PACRG: variants seen among roughly 807,000 people sequenced by gnomAD.
PACRG encodes parkin coregulated, also known as parkin coregulated gene protein.
Under a neutral mutation model 29.7 loss-of-function variants are expected in PACRG, and 29 were observed. The observed-to-expected ratio is 0.98, with a 90% CI of 0.73 to 1.33. The LOEUF (loss-of-function observed/expected upper bound fraction) is 1.33, where lower values mean the gene tolerates loss of function less well. Ranked by LOEUF, PACRG falls within the 40% of genes most tolerant of loss-of-function variation. The pLI, the probability that PACRG is intolerant of heterozygous loss-of-function variation, is 0.00. For synonymous variants in PACRG, 116 were observed against 118.7 expected, an observed-to-expected ratio of 0.98 and a Z score of 0.15; for missense variants, 279 against 316.2, an observed-to-expected ratio of 0.88 and a Z score of 0.89.
intron 4 of PACRG, among the ~76,000 whole-genome samples, chr6:163,124,127 G>A (rs1354729858): frequency 6.6e-6 from 1 of 152,202 alleles, no homozygotes; most frequent in Admixed American, 6.5e-5. Flanking sequence ...TTTGCATGTT[G>A]TAATTGTGTT....
intron 1 of PACRG, among the ~76,000 whole-genome samples, chr6:162,773,262 T>A (rs1009441367): frequency 2.0e-5 from 3 of 151,370 alleles, no homozygotes; most frequent in Admixed American, 6.6e-5. Context: ...GTTTTCCAGT[T>A]GGGCAGCAGA....
At chr6:162,966,455 G>T (rs9458690) in intron 2 of PACRG, among the ~76,000 whole-genome samples, 23,340 of 150,096 alleles carry the variant, frequency 0.16, 3,194 homozygotes, top group African/African-American at 0.36. Context: ...ATACAAAGAT[G>T]TTAATGGAGG....
intron 1 of PACRG, among the ~76,000 whole-genome samples, chr6:162,771,308 T>C (rs1369061234): frequency 2.0e-5 from 3 of 152,220 alleles, no homozygotes; most frequent in Non-Finnish European, 2.9e-5. Context: ...GATGATCTTT[T>C]CACATAATGG....
intron 4 of PACRG, among the ~76,000 whole-genome samples, chr6:163,197,124 T>A (rs913060781): frequency 6.6e-6 from 1 of 152,160 alleles, no homozygotes; most frequent in Non-Finnish European, 1.5e-5. Context: ...TCAAGATAAC[T>A]TTTTTCTGCC....
intron 4 of PACRG, among the ~76,000 whole-genome samples, chr6:163,193,044 G>C (rs1222788689): frequency 6.6e-6 from 1 of 152,080 alleles, no homozygotes; most frequent in Non-Finnish European, 1.5e-5. Flanking sequence ...TGTTGTTCCT[G>C]GTTTTAAAAT....
chr6:162,737,979 T>C (rs1450600071), intron 1 of PACRG, among the ~76,000 whole-genome samples: 2 of 152,088 alleles, frequency 1.3e-5, no homozygotes, highest in African/African-American at 4.8e-5. Flanking sequence ...AAAATTTAAA[T>C]CTACAAATAA....
At chr6:163,309,100 G>A (rs1158523382) in intron 4 of PACRG, among the ~76,000 whole-genome samples, 3 of 152,226 alleles carry the variant, frequency 2.0e-5, no homozygotes, top group African/African-American at 7.2e-5. Flanking sequence ...CACATGGCAA[G>A]GCGATTTCTG....
chr6:163,100,051 G>T (rs976516247), intron 4 of PACRG, among the ~76,000 whole-genome samples: 4 of 152,072 alleles, frequency 2.6e-5, no homozygotes, highest in Non-Finnish European at 5.9e-5. Flanking sequence ...CCGCCGCTGA[G>T]GTCAGGAGGG....
intron 1 of PACRG, among the ~76,000 whole-genome samples, chr6:162,765,387 C>T (rs1782701564): frequency 6.6e-6 from 1 of 152,094 alleles, no homozygotes; most frequent in South Asian, 2.1e-4. Flanking sequence ...ACTCTACCCC[C>T]TTTCCTCGCC....
At chr6:163,306,583 G>A (rs2128191843) in intron 4 of PACRG, among the ~76,000 whole-genome samples, 1 of 152,292 alleles carries the variant, frequency 6.6e-6, no homozygotes. Flanking sequence ...TACTGAAATA[G>A]CAGAATGTAA....
At chr6:162,801,353 C>T (rs926422179) in intron 1 of PACRG, among the ~76,000 whole-genome samples, 3 of 146,376 alleles carry the variant, frequency 2.0e-5, no homozygotes, top group South Asian at 2.2e-4. Context: ...AGGTGATCCG[C>T]CCCCCTTGGC....
intron 2 of PACRG, among the ~76,000 whole-genome samples, chr6:163,020,086 C>T (rs1336668166): frequency 6.6e-6 from 1 of 152,146 alleles, no homozygotes; most frequent in Non-Finnish European, 1.5e-5. Flanking sequence ...ACAAGTTGCC[C>T]TTCATTTAAA....
chr6:162,801,190 A>C (rs1185810871), intron 1 of PACRG, among the ~76,000 whole-genome samples: 2 of 151,640 alleles, frequency 1.3e-5, no homozygotes, highest in Admixed American at 1.3e-4. Flanking sequence ...CCTCACTGCA[A>C]CTCCACTTCC....
intron 4 of PACRG, among the ~76,000 whole-genome samples, chr6:163,231,031 T>A (rs1179769214): frequency 6.6e-6 from 1 of 152,196 alleles, no homozygotes; most frequent in African/African-American, 2.4e-5. Flanking sequence ...AGAAGATCCC[T>A]GCAAAGGCAA....
At chr6:162,798,103 C>A (rs528961545) in intron 1 of PACRG, among the ~76,000 whole-genome samples, 2 of 152,176 alleles carry the variant, frequency 1.3e-5, no homozygotes, top group Admixed American at 6.6e-5. Context: ...CACTTTAATA[C>A]TTACTGCTGA....
chr6:162,922,710 C>T (rs114119466), intron 2 of PACRG, among the ~76,000 whole-genome samples: 3 of 152,132 alleles, frequency 2.0e-5, no homozygotes, highest in African/African-American at 7.2e-5. Context: ...GCATAATGTC[C>T]TCCAGGCTCA....
intron 4 of PACRG, among the ~76,000 whole-genome samples, chr6:163,195,000 C>A (rs973948734): frequency 1.3e-5 from 2 of 152,182 alleles, no homozygotes; most frequent in African/African-American, 4.8e-5. Flanking sequence ...GCTTGCTGAA[C>A]AGTGAGCCTC....
chr6:163,304,354 T>A (rs1231681017), intron 4 of PACRG, among the ~76,000 whole-genome samples: 1 of 152,232 alleles, frequency 6.6e-6, no homozygotes, highest in Non-Finnish European at 1.5e-5. Flanking sequence ...CTTATATCAG[T>A]ATCTGGATCC....
chr6:163,298,209 C>T (rs183377271), intron 4 of PACRG, among the ~76,000 whole-genome samples: 1 of 151,242 alleles, frequency 6.6e-6, no homozygotes, highest in African/African-American at 2.4e-5. Context: ...AACCTCTACC[C>T]AGTAGACAAA....
Sources: gnomAD v4.1 joint callset for allele counts (sites outside exome capture counted in the v4.1 genomes callset) on GRCh38, gnomAD v4.1.1 for gene constraint, MANE v1.5 for transcripts, NCBI Gene and HGNC (gene_info 2026-07-23, HGNC 2026-07-21) for gene names.